The following FBXW10 variants were observed in gnomAD, a reference collection of about 807,000 sequenced individuals.
The protein encoded by FBXW10 is F-box/WD repeat-containing protein 10.
A neutral mutation model predicts 113.1 loss-of-function variants in FBXW10; 68 were observed. The observed-to-expected ratio is 0.60, with a 90% CI of 0.49 to 0.74. The LOEUF (loss-of-function observed/expected upper bound fraction) is 0.74. Among genes scored for constraint, FBXW10 ranks in the 30% least tolerant of loss-of-function variants. The pLI is 0.00. For missense variants in FBXW10, 753 were observed against 1,284.5 expected, an observed-to-expected ratio of 0.59 and a Z score of 6.32; for synonymous variants, 289 against 481.6, an observed-to-expected ratio of 0.60 and a Z score of 5.24.
chr17:18,749,098 T>TC (rs758019233), intron 2 of FBXW10, among the ~76,000 whole-genome samples: 17 of 152,134 alleles, frequency 1.1e-4, no homozygotes, highest in African/African-American at 2.2e-4. Context: ...TCCATTCATT[T>TC]CCCCCCCTTT....
intron 1 of FBXW10, 149 bp downstream of exon 1, chr17:18,744,898 C>T (rs1201143357): frequency 1.4e-6 from 2 of 1,471,576 alleles, no homozygotes; most frequent in Admixed American, 2.7e-5. Flanking sequence ...GACACCTTGT[C>T]CTGACACCCG....
At chr17:18,751,199 G>A in intron 5 of FBXW10, 146 bp downstream of exon 5, 10 of 1,032,324 alleles carry the variant, frequency 9.7e-6, no homozygotes, top group Non-Finnish European at 1.4e-5. Context: ...GTTCTGTGTT[G>A]CTACTGACTT....
At chr17:18,766,049 C>A (rs1054792011) in intron 8 of FBXW10, among the ~76,000 whole-genome samples, 1 of 152,016 alleles carries the variant, frequency 6.6e-6, no homozygotes, top group Non-Finnish European at 1.5e-5. Context: ...TTTTAGAAAA[C>A]CCTGTTCTGC....
chr17:18,772,928 CTTTTTTTT>C (rs940811811), intron 12 of FBXW10, among the ~76,000 whole-genome samples: 1 of 135,646 alleles, frequency 7.4e-6, no homozygotes, highest in Admixed American at 7.5e-5. Context: ...TTCTTTCTTT[CTTTTTTTT>C]TTTTTTTTTG....
intron 1 of FBXW10, among the ~76,000 whole-genome samples, chr17:18,747,169 G>A (rs1597586437): frequency 6.6e-6 from 1 of 151,930 alleles, no homozygotes; most frequent in Non-Finnish European, 1.5e-5. Flanking sequence ...CTTGTGATCC[G>A]CCTGCCTCAG....
chr17:18,747,010 C>A (rs376761725), intron 1 of FBXW10, among the ~76,000 whole-genome samples: 1 of 151,466 alleles, frequency 6.6e-6, no homozygotes, highest in African/African-American at 2.4e-5. Flanking sequence ...CTGCAAGCTC[C>A]GCCTCCCGGG....
At chr17:18,744,978 T>C (rs2035012728) in intron 1 of FBXW10, 2 of 1,417,220 alleles carry the variant, frequency 1.4e-6, no homozygotes, top group Non-Finnish European at 1.8e-6. Flanking sequence ...CAGGAGGAAG[T>C]ACACAACTTT....
At chr17:18,751,224 CT>C (rs11331150) in intron 5 of FBXW10, among the ~76,000 whole-genome samples, 171 bp downstream of exon 5, 62,177 of 140,050 alleles carry the variant, frequency 0.44, 13,542 homozygotes, top group African/African-American at 0.46. Context: ...GACACTTCCT[CT>C]TTTTTTTTTT....
intron 7 of FBXW10, among the ~76,000 whole-genome samples, chr17:18,758,896 G>A (rs9914084): frequency 0.012 from 1,814 of 152,070 alleles, 42 homozygotes; most frequent in African/African-American, 0.042. Context: ...GGCCAGGCGC[G>A]GTGGCTCACG....
chr17:18,760,406 A>G (rs2035355948), intron 7 of FBXW10, among the ~76,000 whole-genome samples: 1 of 152,260 alleles, frequency 6.6e-6, no homozygotes, highest in African/African-American at 2.4e-5. Flanking sequence ...AGGAGAGCCA[A>G]CGGTGCAGAT....
Position 18,778,653 on chromosome 17 carries a change from A to G in FBXW10, c.2514A>G (p.Gln838=), listed in dbSNP as rs1442756966. 1.2e-6 allele frequency: 2 copies of G among 1,613,722 alleles called. No homozygotes were observed. Among genetic ancestry groups the G allele is most frequent in the Non-Finnish European group, 1.7e-6 (2 of 1,179,850 alleles). Residue 838 remains glutamine, a synonymous_variant, in exon 14 of 14, where the codon CAA becomes CAG. Transcript: ENST00000395665. ...SGEFAYPCRP[Q]TEITDVWGPS... is the part of the protein sequence containing the mutation. ...AATTTGCCTATCCCTGTAGGCCCCA[A>G]ACAGAAATTACTGATGTCTGGGGAC...
intron 6 of FBXW10, 72 bp from the exon 7 acceptor site, chr17:18,758,233 A>G (rs1399333467): frequency 8.0e-7 from 1 of 1,249,692 alleles, no homozygotes; most frequent in African/African-American, 1.5e-5. Context: ...GGCAAAAGTC[A>G]TGGGGCTAAG....
intron 2 of FBXW10, 96 bp downstream of exon 2, chr17:18,748,201 T>G: frequency 1.3e-6 from 2 of 1,558,112 alleles, no homozygotes; most frequent in South Asian, 2.4e-5. Flanking sequence ...AAGCAGATCA[T>G]GAGGTCAGGA....
chr17:18,761,508 G>T (rs1409584390), intron 7 of FBXW10, among the ~76,000 whole-genome samples: 2 of 151,922 alleles, frequency 1.3e-5, no homozygotes, highest in Non-Finnish European at 2.9e-5. Flanking sequence ...CTCGTGATTC[G>T]CCCGCCTCGG....
At chr17:18,748,342 C>T (rs1472841990) in intron 2 of FBXW10, among the ~76,000 whole-genome samples, 1 of 140,620 alleles carries the variant, frequency 7.1e-6, no homozygotes. Flanking sequence ...AGCCGGGAGG[C>T]AGAGCTTGCA....
chr17:18,744,288 G>C lies in FBXW10; in HGVS notation c.44G>C (p.Arg15Pro), dbSNP rs1482433659. 1 of 1,611,878 alleles carries C rather than the reference G, an allele frequency of 6.2e-7. No individual in the cohort carries two copies. Among genetic ancestry groups the C allele is most frequent in the Admixed American group, 1.7e-5 (1 of 59,688 alleles). The change falls in exon 1 of 14, where the codon CGT becomes CCT. Residue 15 changes from arginine (R) to proline (P), a missense_variant. Transcript: ENST00000395665. ...AGGCTCAAGAATGCCCCCTATTTTCGTTGTGAGAAGGGAACCGATTCCATC... is the reference window on the plus strand; with the variant it reads ...AGGCTCAAGAATGCCCCCTATTTTCCTTGTGAGAAGGGAACCGATTCCATC... ...ESRLKNAPYF[R>P]CEKGTDSIPL...
In FBXW10 at chr17:18,764,225, C is replaced by G. The variant is rs1252348991; in HGVS notation, c.1434-517C>G. On this transcript the variant is annotated intron_variant, in intron 7 of 13. Coordinates refer to ENST00000395665, the MANE Select transcript of FBXW10 (RefSeq NM_001267585.2). The stretch of plus-strand genomic sequence containing the variant: ...CTTTTTTTTTTTTTTTTTTTTGAGA[C>G]AGAGTCTCGCTCTATTGGCAGGCTG... Among the ~76,000 whole-genome samples the G allele has an allele frequency of 2.3e-5, 3 of 128,674 alleles. No homozygotes were observed. In the East Asian group the frequency reaches 6.7e-4, roughly 29 times the overall value. 84.4% of individuals were successfully genotyped at this position (128,674 alleles called of 152,430 possible).
intron 2 of FBXW10, among the ~76,000 whole-genome samples, chr17:18,748,408 CA>C (rs57336039): frequency 0.25 from 13,237 of 52,064 alleles, 433 homozygotes; most frequent in South Asian, 0.34. Flanking sequence ...GAGACTGTCT[CA>C]AAAAAAAAAA....
chr17:18,750,754 G>A (rs1470412995), intron 4 of FBXW10, among the ~76,000 whole-genome samples, 177 bp from the exon 5 acceptor site: 1 of 152,070 alleles, frequency 6.6e-6, no homozygotes, highest in Non-Finnish European at 1.5e-5. Context: ...TCCTCCATTC[G>A]ATCTGCACAC....
Sources: allele counts gnomAD v4.1 joint callset (sites outside exome capture counted in the v4.1 genomes callset), GRCh38; gene constraint gnomAD v4.1.1; transcripts MANE v1.5; gene names NCBI Gene and HGNC (gene_info 2026-07-23, HGNC 2026-07-21).